The following NCBP3 variants were observed in gnomAD, a reference collection of about 807,000 sequenced individuals.
The protein encoded by NCBP3 is nuclear cap-binding protein subunit 3.
NCBP3 carries 20 observed loss-of-function variants against 75.7 expected under a neutral mutation model. The observed-to-expected ratio is 0.26, with a 90% CI of 0.19 to 0.38. NCBP3 has a LOEUF of 0.38. Among genes scored for constraint, NCBP3 ranks in the 10% least tolerant of loss-of-function variants. The probability of loss-of-function intolerance (pLI) is 1.00; values close to 1 mark genes in which losing one functional copy is unlikely to be tolerated. For synonymous variants in NCBP3, 293 were observed against 290.5 expected, an observed-to-expected ratio of 1.01 and a Z score of -0.09; for missense variants, 678 against 796.9, an observed-to-expected ratio of 0.85 and a Z score of 1.80.
Position 3,846,197 on chromosome 17 carries a change from C to A in NCBP3, c.27G>T (p.Val9=), listed in dbSNP as rs1460374846. MAAVRGLR[V]SVKAEAPAGP... is the part of the protein sequence containing the mutation. ...CCGCCGGGGCCTCCGCCTTCACCGA[C>A]ACCCGCAGGCCCCGTACGGCCGCCA... is the stretch of plus-strand genomic sequence containing the variant. The change falls in exon 1 of 13, where the codon GTG becomes GTT. Residue 9 remains valine (V), a synonymous_variant. Coordinates refer to ENST00000389005, the MANE Select transcript of NCBP3 (RefSeq NM_001114118.3). The surrounding 1 kb of genome is among the most constrained non-coding windows in gnomAD (Gnocchi z 4.6). 4.0e-6 allele frequency: 6 copies of A among 1,501,186 alleles called. No homozygotes were observed. The East Asian group carries it at 1.4e-4, about 34-fold the overall frequency. 93.0% of individuals were successfully genotyped at this position (1,501,186 alleles called of 1,614,324 possible).
chr17:3,834,801 TAAG>T (rs2053946268), intron 3 of NCBP3, among the ~76,000 whole-genome samples: 1 of 149,438 alleles, frequency 6.7e-6, no homozygotes, highest in Non-Finnish European at 1.5e-5. Flanking sequence ...AACAGTTCCA[TAAG>T]AAGCAAGCTC....
intron 5 of NCBP3, 116 bp from the exon 6 acceptor site, chr17:3,825,959 T>G: frequency 3.5e-6 from 5 of 1,414,092 alleles, no homozygotes; most frequent in Non-Finnish European, 4.8e-6. Context: ...TATTTCCTGA[T>G]GATCTCAAGC....
chr17:3,813,872 T>A (rs1321032354), intron 12 of NCBP3, among the ~76,000 whole-genome samples: 2 of 152,052 alleles, frequency 1.3e-5, no homozygotes, highest in African/African-American at 4.8e-5. Context: ...CCATGTTGGT[T>A]AGGCTGGTCT....
At position 3,811,016 on chromosome 17, in the gene NCBP3, G is replaced by C. The variant is rs572684692; in HGVS notation, c.*2028C>G. 5 of 152,516 alleles carry C rather than the reference G, an allele frequency of 3.3e-5. No homozygotes were observed. The highest frequency in any genetic ancestry group is 7.2e-5 in the African/African-American group (3 of 41,582). 9.4% of individuals were successfully genotyped at this position (152,516 alleles called of 1,614,324 possible). On this transcript the variant is annotated 3_prime_UTR_variant, in exon 13 of 13. Coordinates refer to ENST00000389005, the MANE Select transcript of NCBP3 (RefSeq NM_001114118.3). The stretch of plus-strand genomic sequence containing the variant: ...TCAGTAGAAGCAGAGACTGTGCTGG[G>C]ATGGGAATAAGCCCCTGTCTACACC...
intron 2 of NCBP3, 63 bp from the exon 3 acceptor site, chr17:3,840,268 C>T: frequency 8.0e-7 from 1 of 1,256,064 alleles, no homozygotes; most frequent in Non-Finnish European, 1.1e-6. Flanking sequence ...ATCACACATG[C>T]ATCATGATGC....
intron 5 of NCBP3, 44 bp from the exon 6 acceptor site, chr17:3,825,887 T>C (rs1343095179): frequency 1.4e-6 from 2 of 1,471,972 alleles, no homozygotes; most frequent in Non-Finnish European, 1.9e-6. Flanking sequence ...GATAAAATAT[T>C]TCATATAATG....
intron 11 of NCBP3, among the ~76,000 whole-genome samples, chr17:3,814,729 C>CTT (rs113946666): frequency 2.7e-5 from 4 of 145,994 alleles, no homozygotes; most frequent in Admixed American, 2.0e-4. Context: ...AAGAAACAAC[C>CTT]TTTTTTTTTT....
At chr17:3,836,022 A>G (rs1333079284) in intron 3 of NCBP3, among the ~76,000 whole-genome samples, 4 of 152,232 alleles carry the variant, frequency 2.6e-5, no homozygotes, top group Non-Finnish European at 4.4e-5. Context: ...AACGGAAATA[A>G]TCAACACCTT....
Position 3,810,102 on chromosome 17 carries a change from A to C in NCBP3, c.*2942T>G, listed in dbSNP as rs1391747917. 6.6e-6 allele frequency: 1 copy of C among 152,240 alleles called. No individual in the cohort carries two copies. Among genetic ancestry groups the C allele is most frequent in the East Asian group, 1.9e-4 (1 of 5,202 alleles). 9.4% of individuals were successfully genotyped at this position (152,240 alleles called of 1,614,324 possible). A position where few individuals can be genotyped will look rare whatever the true frequency, so the allele number is the denominator to read the frequency against. ...ACGGTGCTGGTGCATAACTGTAAATATACTAAAAGCCACTCAAGTGTACAC... is the reference window on the plus strand; with the variant it reads ...ACGGTGCTGGTGCATAACTGTAAATCTACTAAAAGCCACTCAAGTGTACAC... On this transcript the variant is annotated 3_prime_UTR_variant, in exon 13 of 13. Coordinates refer to ENST00000389005, the MANE Select transcript of NCBP3 (RefSeq NM_001114118.3).
At position 3,840,185 on chromosome 17, in the gene NCBP3, C is replaced by G. The variant is rs1320577852; in HGVS notation, c.270G>C (p.Glu90Asp). ...GAAAATGGAAGCGCTTGGCTCGCTGCTCTTTCTTTTCAATTGCTTCCTAGA... is the reference window on the plus strand; with the variant it reads ...GAAAATGGAAGCGCTTGGCTCGCTGGTCTTTCTTTTCAATTGCTTCCTAGA... Reference protein sequence around the residue: ...VTSKEAIEKKEQRAKRFHFRS... With the variant: ...VTSKEAIEKKDQRAKRFHFRS... Residue 90 changes from glutamate (E) to aspartate (D), a missense_variant, in exon 3 of 13, where the codon GAG becomes GAC. By Grantham distance (45) the Glu-to-Asp change is conservative. Transcript: ENST00000389005. 4 of 1,551,574 alleles carry G rather than the reference C, an allele frequency of 2.6e-6. No individual in the cohort carries two copies. The African/African-American group carries it at 4.1e-5, about 16-fold the overall frequency.
chr17:3,838,227 G>A (rs2054008992), intron 3 of NCBP3, among the ~76,000 whole-genome samples: 1 of 152,222 alleles, frequency 6.6e-6, no homozygotes, highest in African/African-American at 2.4e-5. Context: ...CACCTGACCA[G>A]AGATAAAGCA....
intron 2 of NCBP3, among the ~76,000 whole-genome samples, chr17:3,842,658 T>C (rs574264857): frequency 1.3e-5 from 2 of 152,232 alleles, no homozygotes; most frequent in African/African-American, 2.4e-5. Flanking sequence ...GAAGACATCG[T>C]TGTATAACAC....
intron 3 of NCBP3, among the ~76,000 whole-genome samples, chr17:3,836,639 T>TG (rs1409854313): frequency 1.6e-5 from 2 of 121,260 alleles, no homozygotes; most frequent in African/African-American, 3.3e-5. Context: ...GGCAACAGAG[T>TG]GAGACTCCGT....
Position 3,812,949 on chromosome 17 carries a change from A to T in NCBP3, c.*95T>A, listed in dbSNP as rs2053447504. Reference sequence around the variant, plus strand: ...GGGTGACTGTGTGAGCAGGAGCGAGAGGGCGCCAGCTCCTGCGGGGGAGGT... The same window carrying T: ...GGGTGACTGTGTGAGCAGGAGCGAGTGGGCGCCAGCTCCTGCGGGGGAGGT... On this transcript the variant is annotated 3_prime_UTR_variant, in exon 13 of 13. Transcript: ENST00000389005. The T allele has an allele frequency of 6.4e-7, 1 of 1,559,472 alleles. No homozygotes were observed. Among genetic ancestry groups the T allele is most frequent in the East Asian group, 2.3e-5 (1 of 44,364 alleles).
intron 6 of NCBP3, among the ~76,000 whole-genome samples, chr17:3,825,264 A>G (rs1371651842): frequency 6.6e-6 from 1 of 152,146 alleles, no homozygotes; most frequent in Non-Finnish European, 1.5e-5. Context: ...TCTTTTCACA[A>G]CACTCATTGC....
intron 5 of NCBP3, 106 bp downstream of exon 5, chr17:3,825,981 G>A (rs1237147036): frequency 2.1e-6 from 3 of 1,448,530 alleles, no homozygotes; most frequent in East Asian, 5.0e-5. Flanking sequence ...TCATAGATTA[G>A]TTCAGAAACA....
In NCBP3 at chr17:3,804,077, G is replaced by A. The variant is rs2053311409; in HGVS notation, c.*8967C>T. On this transcript the variant is annotated 3_prime_UTR_variant, in exon 13 of 13. Transcript: ENST00000389005. Reference sequence around the variant, plus strand: ...GGTGACAGAGCGAGACTCCGTCTCAGAAAAAGTGGCCAGGTGCACTTGTAG... The same window carrying A: ...GGTGACAGAGCGAGACTCCGTCTCAAAAAAAGTGGCCAGGTGCACTTGTAG... 1 of 152,342 alleles carries A rather than the reference G, an allele frequency of 6.6e-6. No homozygotes were observed. Among genetic ancestry groups the A allele is most frequent in the South Asian group, 2.1e-4 (1 of 4,826 alleles). The allele number at this position is 152,342 out of a possible 1,614,324, so 9.4% of individuals were successfully genotyped here. A position where few individuals can be genotyped will look rare whatever the true frequency, so the allele number is the denominator to read the frequency against.
rs1016154589 is a variant in NCBP3 at position 3,812,417 on chromosome 17, G to C, written c.*627C>G. 1.0e-5 allele frequency: 7 copies of C among 674,256 alleles called. No individual in the cohort carries two copies. In the East Asian group the frequency reaches 8.1e-4, roughly 78 times the overall value. The allele number at this position is 674,256 out of a possible 1,614,324, so 41.8% of individuals were successfully genotyped here. ...ACTTGATCTTCACATCAAGCTGACA[G>C]CACGTAAGAGGCCCATGCCATGAGC... On this transcript the variant is annotated 3_prime_UTR_variant, in exon 13 of 13. Coordinates refer to ENST00000389005, the MANE Select transcript of NCBP3 (RefSeq NM_001114118.3).
intron 3 of NCBP3, among the ~76,000 whole-genome samples, chr17:3,837,994 T>G: frequency 6.6e-6 from 1 of 150,724 alleles, no homozygotes; most frequent in Admixed American, 6.6e-5. Flanking sequence ...AAAAAAAAAT[T>G]TTTTTAAATT....
Sources: allele counts gnomAD v4.1 joint callset (sites outside exome capture counted in the v4.1 genomes callset), GRCh38; gene constraint gnomAD v4.1.1; non-coding constraint Gnocchi (gnomAD v3.1); transcripts MANE v1.5; gene names NCBI Gene and HGNC (gene_info 2026-07-23, HGNC 2026-07-21).